The following GCNT1 variants were observed in gnomAD, a reference collection of about 807,000 sequenced individuals.
GCNT1 encodes beta-1,3-galactosyl-O-glycosyl-glycoprotein beta-1,6-N-acetylglucosaminyltransferase.
In GCNT1, 16 loss-of-function variants were observed where a neutral mutation model predicts 26.2. The observed-to-expected ratio is 0.61, with a 90% CI of 0.41 to 0.93. GCNT1 has a LOEUF of 0.93. GCNT1 is among the 40% of genes least tolerant of loss of function. GCNT1 has a pLI of 0.00. For synonymous variants in GCNT1, 183 were observed against 190.8 expected (o/e 0.96, Z 0.34); for missense variants, 477 against 526.7 (o/e 0.91, Z 0.92).
chr9:76,400,718 C>T, the GCNT1 span, among the ~76,000 whole-genome samples: 1 of 152,202 alleles, frequency 6.6e-6, no homozygotes, highest in Non-Finnish European at 1.5e-5. Flanking sequence ...AGCAAGGGAA[C>T]CCTGTGAGTC....
chr9:76,465,862 A>G (rs1471171769), intron 2 of GCNT1, among the ~76,000 whole-genome samples: 1 of 152,188 alleles, frequency 6.6e-6, no homozygotes, highest in Non-Finnish European at 1.5e-5. Context: ...TTCTGGCATA[A>G]ACAACTGAGT....
rs1432068197 is a variant in GCNT1 at position 76,479,270 on chromosome 9, G to C, written c.-290+19093G>C. 2.0e-5 allele frequency among the ~76,000 whole-genome samples: 3 copies of C among 152,226 alleles called. No individual in the cohort carries two copies. In the East Asian group the frequency reaches 5.8e-4, roughly 29 times the overall value. Reference sequence around the variant, plus strand: ...CCAGTCTATCATTGTTGGACATTTGGGTTGGTTCCAAGTCTTTGCTATTGT... The same window carrying C: ...CCAGTCTATCATTGTTGGACATTTGCGTTGGTTCCAAGTCTTTGCTATTGT... On this transcript the variant is annotated intron_variant, in intron 2 of 3. Coordinates refer to ENST00000376730, the MANE Select transcript of GCNT1 (RefSeq NM_001490.5).
the GCNT1 span, among the ~76,000 whole-genome samples, chr9:76,402,960 G>A: frequency 6.6e-6 from 1 of 151,970 alleles, no homozygotes; most frequent in Non-Finnish European, 1.5e-5. Flanking sequence ...TTACATGCAT[G>A]AGCCACCGTG....
At chr9:76,396,103 A>G in the GCNT1 span, among the ~76,000 whole-genome samples, 1 of 152,244 alleles carries the variant, frequency 6.6e-6, no homozygotes, top group Non-Finnish European at 1.5e-5. Flanking sequence ...AACTTGATAA[A>G]TCATCCCTGG....
At chr9:76,394,732 T>C in the GCNT1 span, among the ~76,000 whole-genome samples, 2 of 152,136 alleles carry the variant, frequency 1.3e-5, no homozygotes, top group Non-Finnish European at 2.9e-5. Flanking sequence ...CTCGAACAAT[T>C]CTGGTTTTTT....
intron 1 of GCNT1, among the ~76,000 whole-genome samples, chr9:76,444,143 G>A (rs144430410): frequency 6.6e-5 from 10 of 152,232 alleles, no homozygotes; most frequent in East Asian, 1.9e-4. Context: ...AGCAGGCTCC[G>A]GGAGAAGAAG....
intron 2 of GCNT1, among the ~76,000 whole-genome samples, chr9:76,467,469 C>T (rs1443828542): frequency 2.0e-5 from 3 of 152,034 alleles, no homozygotes; most frequent in Non-Finnish European, 4.4e-5. Flanking sequence ...GTTGGCTATA[C>T]ATTAGGAACA....
At chr9:76,409,475 T>A in the GCNT1 span, among the ~76,000 whole-genome samples, 2 of 152,156 alleles carry the variant, frequency 1.3e-5, no homozygotes, top group African/African-American at 4.8e-5. Flanking sequence ...GAACAGAGTG[T>A]TGCTGTATCA....
chr9:76,422,356 A>C (rs1823207118), intron 1 of GCNT1, among the ~76,000 whole-genome samples: 1 of 152,192 alleles, frequency 6.6e-6, no homozygotes, highest in South Asian at 2.1e-4. Flanking sequence ...GGTGTGAACC[A>C]CGGCACTCAG....
At chr9:76,440,990 G>A (rs1427792054), upstream of GCNT1, among the ~76,000 whole-genome samples, 13 of 149,814 alleles carry the variant, frequency 8.7e-5, no homozygotes, top group African/African-American at 2.9e-4. Flanking sequence ...GCTTGAACCC[G>A]GGAGGCGGAG....
chr9:76,424,079 A>G (rs924364343), intron 1 of GCNT1, among the ~76,000 whole-genome samples: 2 of 152,230 alleles, frequency 1.3e-5, no homozygotes, highest in East Asian at 3.8e-4. Flanking sequence ...CTGAACTGTG[A>G]TGTTGCTAAG....
chr9:76,460,445 C>G (rs1823847096), intron 2 of GCNT1, among the ~76,000 whole-genome samples: 1 of 152,168 alleles, frequency 6.6e-6, no homozygotes. Context: ...CATTCTGCCC[C>G]CCTTCCAGAG....
intron 1 of GCNT1, among the ~76,000 whole-genome samples, chr9:76,452,563 GGGGA>G (rs1823688672): frequency 2.0e-5 from 3 of 152,142 alleles, no homozygotes; most frequent in Non-Finnish European, 2.9e-5. Flanking sequence ...GCAAGTTGAA[GGGGA>G]AGCAGGTACA....
chr9:76,394,265 G>A, the GCNT1 span: 7 of 1,306,736 alleles, frequency 5.4e-6, no homozygotes, highest in African/African-American at 1.5e-5. Context: ...CCAGCCGGGG[G>A]ACAGGAGCGT....
At chr9:76,417,349 T>C (rs1823142094), upstream of GCNT1, among the ~76,000 whole-genome samples, 1 of 152,230 alleles carries the variant, frequency 6.6e-6, no homozygotes, top group Admixed American at 6.5e-5. Flanking sequence ...TATCACAATG[T>C]AGTGTTGGAA....
the GCNT1 span, among the ~76,000 whole-genome samples, chr9:76,412,891 G>A: frequency 2.0e-5 from 3 of 152,194 alleles, no homozygotes; most frequent in Non-Finnish European, 4.4e-5. Context: ...ATGATTTCAT[G>A]TACTTGTATC....
In GCNT1 at chr9:76,502,673, A is replaced by G. The variant is rs960116669; in HGVS notation, c.292A>G (p.Ser98Gly). The G allele has an allele frequency of 4.3e-6, 7 of 1,614,082 alleles. No individual in the cohort carries two copies. The South Asian group carries it at 4.4e-5, about 10-fold the overall frequency. ...WTPDDYINMT[S>G]DCSSFIKRRK... is the part of the protein sequence containing the mutation. ...ACCTGACGACTATATAAACATGACC[A>G]GTGACTGTTCTTCTTTCATCAAGAG... Residue 98 changes from serine to glycine, a missense_variant, in exon 4 of 4, where the codon AGT (serine) becomes GGT (glycine). Ser to Gly is a moderately conservative substitution (Grantham distance 56). Coordinates refer to ENST00000376730, the MANE Select transcript of GCNT1 (RefSeq NM_001490.5).
At chr9:76,450,528 A>T (rs1823647324) in intron 1 of GCNT1, among the ~76,000 whole-genome samples, 2 of 152,226 alleles carry the variant, frequency 1.3e-5, no homozygotes, top group African/African-American at 4.8e-5. Flanking sequence ...TACAACAGAG[A>T]GCAGCACAGG....
chr9:76,503,119 G>C lies in GCNT1; in HGVS notation c.738G>C (p.Arg246Ser). Reference sequence around the variant, plus strand: ...GAGAAAACAACCTGGAAACGGAGAGGATGCCATCCCATAAAGAAGAAAGGT... The same window carrying C: ...GAGAAAACAACCTGGAAACGGAGAGCATGCCATCCCATAAAGAAGAAAGGT... ...LMGENNLETE[R>S]MPSHKEERWK... The change falls in exon 4 of 4, where the codon AGG becomes AGC. Residue 246 changes from arginine to serine, a missense_variant. By Grantham distance (110) the Arg-to-Ser change is moderately radical. Coordinates refer to ENST00000376730, the MANE Select transcript of GCNT1 (RefSeq NM_001490.5). 1 of 1,614,174 alleles carries C rather than the reference G, an allele frequency of 6.2e-7. No individual in the cohort carries two copies. Among genetic ancestry groups the C allele is most frequent in the Middle Eastern group, 1.7e-4 (1 of 6,058 alleles).
Sources: allele counts gnomAD v4.1 joint callset (sites outside exome capture counted in the v4.1 genomes callset), GRCh38; gene constraint gnomAD v4.1.1; transcripts MANE v1.5; gene names NCBI Gene and HGNC (gene_info 2026-07-23, HGNC 2026-07-21).